Variants in ZNF268 observed in about 807,000 individuals in gnomAD.
ZNF268 encodes the protein zinc finger protein 268.
In ZNF268, 20 loss-of-function variants were observed where a neutral mutation model predicts 29.3. The observed-to-expected ratio is 0.68, with a 90% CI of 0.48 to 0.99. The LOEUF (loss-of-function observed/expected upper bound fraction) is 0.99. Among genes scored for constraint, ZNF268 ranks in the 50% least tolerant of loss-of-function variants. ZNF268 has a pLI of 0.00. For missense variants in ZNF268, 1,240 were observed against 1,121.6 expected (o/e 1.11, Z -1.51); for synonymous variants, 429 against 376.9 (o/e 1.14, Z -1.60).
chr12:133,188,769 A>C (rs1431736843), intron 3 of ZNF268, among the ~76,000 whole-genome samples: 1 of 152,202 alleles, frequency 6.6e-6, no homozygotes, highest in Non-Finnish European at 1.5e-5. Flanking sequence ...ATGCACATTA[A>C]AGTTTAAAAC....
intron 3 of ZNF268, among the ~76,000 whole-genome samples, chr12:133,190,022 AT>A (rs1956427356): frequency 6.6e-6 from 1 of 151,976 alleles, no homozygotes; most frequent in South Asian, 2.1e-4. Flanking sequence ...GTTAGCCAGG[AT>A]GGTCTCGTTC....
rs947793976 is a variant in ZNF268, at chr12:133,210,279, T to C, written c.*5749T>C. On this transcript the variant is annotated 3_prime_UTR_variant, in exon 6 of 6. Transcript: ENST00000536435. ...GATATGGAAGCTCTGGATCTCACTG[T>C]GATGTATCCCCCTAGGGGGTCCCCA... The C allele has an allele frequency of 6.4e-6, 1 of 155,952 alleles. No homozygotes were observed. The highest frequency in any genetic ancestry group is 2.4e-5 in the African/African-American group (1 of 41,508). The allele number at this position is 155,952 out of a possible 1,614,324, so 9.7% of individuals were successfully genotyped here. A position where few individuals can be genotyped will look rare whatever the true frequency, so the allele number is the denominator to read the frequency against.
Position 133,197,013 on chromosome 12 carries a change from T to C in ZNF268, c.457+5010T>C, listed in dbSNP as rs1956619227. On this transcript the variant is annotated intron_variant, in intron 5 of 5. Coordinates refer to ENST00000536435, the MANE Select transcript of ZNF268 (RefSeq NM_003415.3). ...TAAATTTTATTTTCCAGATTTTCTA[T>C]TCTCTAGATCCTTTCTTTTTTTTTT... 6.8e-5 allele frequency among the ~76,000 whole-genome samples: 10 copies of C among 147,836 alleles called. No individual in the cohort carries two copies. The South Asian group carries it at 8.6e-4, about 13-fold the overall frequency.
chr12:133,201,597 C>T (rs994061785), intron 5 of ZNF268, among the ~76,000 whole-genome samples: 8 of 151,974 alleles, frequency 5.3e-5, no homozygotes, highest in Admixed American at 5.3e-4. Context: ...TTAAGAACTG[C>T]TTCTTGTCCT....
intron 2 of ZNF268, among the ~76,000 whole-genome samples, chr12:133,183,898 G>A (rs74742668): frequency 0.016 from 2,489 of 152,278 alleles, 54 homozygotes; most frequent in African/African-American, 0.056. Context: ...CACACTTAAA[G>A]AAATGGAAAC....
At chr12:133,202,084 CT>C in intron 5 of ZNF268, 59 bp from the exon 6 acceptor site, 1 of 1,381,702 alleles carries the variant, frequency 7.2e-7, no homozygotes, top group Non-Finnish European at 9.7e-7. Flanking sequence ...TCATAGGCAA[CT>C]TTCTAGTATA....
Position 133,204,644 on chromosome 12 carries a change from AG to A in ZNF268, c.*115del, listed in dbSNP as rs1474999726. 2.1e-5 allele frequency: 17 copies of A among 799,122 alleles called. No individual in the cohort carries two copies. The highest frequency in any genetic ancestry group is 9.1e-5 in the East Asian group (3 of 32,798). 49.5% of individuals were successfully genotyped at this position (799,122 alleles called of 1,614,324 possible). A position where few individuals can be genotyped will look rare whatever the true frequency, so the allele number is the denominator to read the frequency against. On this transcript the variant is annotated 3_prime_UTR_variant, in exon 6 of 6. Coordinates refer to ENST00000536435, the MANE Select transcript of ZNF268 (RefSeq NM_003415.3). ...ATCTTCCAGAAAACTCATACTGAATAGAAACTTTATGAATGCACAGCATATG... is the reference window on the plus strand; with the variant it reads ...ATCTTCCAGAAAACTCATACTGAATAAAACTTTATGAATGCACAGCATATG...
In ZNF268 at chr12:133,205,154, A is replaced by AAC. The variant is rs1956870910; in HGVS notation, c.*625_*626insCA. 1.5e-5 allele frequency: 2 copies of AAC among 135,780 alleles called. No individual in the cohort carries two copies. Among genetic ancestry groups the AAC allele is most frequent in the Non-Finnish European group, 3.2e-5 (2 of 62,936 alleles). The allele number at this position is 135,780 out of a possible 1,614,324, so 8.4% of individuals were successfully genotyped here. A position where few individuals can be genotyped will look rare whatever the true frequency, so the allele number is the denominator to read the frequency against. ...TTAGAAGCTTCATTCTAAAAAAAAA[A>AAC]AAAAAAAAAAAAAAAAAAACCAACC... On this transcript the variant is annotated 3_prime_UTR_variant, in exon 6 of 6. Coordinates refer to ENST00000536435, the MANE Select transcript of ZNF268 (RefSeq NM_003415.3).
In ZNF268 at chr12:133,203,887, G is replaced by T. The variant is rs1030485332; in HGVS notation, c.2201G>T (p.Ser734Ile). Residue 734 changes from serine to isoleucine, a missense_variant, in exon 6 of 6, where the codon AGT (serine) becomes ATT (isoleucine). Transcript: ENST00000536435. Reference sequence around the variant, plus strand: ...TGCAGGGAATGCGGGAAATCCTTTAGTTTCAATTCACAACTCATTGTGCAT... The same window carrying T: ...TGCAGGGAATGCGGGAAATCCTTTATTTTCAATTCACAACTCATTGTGCAT... ...HECRECGKSFSFNSQLIVHQR... is the reference protein window; with the variant it reads ...HECRECGKSFIFNSQLIVHQR... 2 of 1,575,612 alleles carry T rather than the reference G, an allele frequency of 1.3e-6. No individual in the cohort carries two copies. The highest frequency in any genetic ancestry group is 1.4e-5 in the African/African-American group (1 of 73,792).
chr12:133,184,861 C>T (rs939663090), intron 2 of ZNF268: 4 of 315,766 alleles, frequency 1.3e-5, no homozygotes, highest in South Asian at 7.0e-5. Flanking sequence ...TCATTGAAAC[C>T]GTAGCAGTCA....
Position 133,191,493 on chromosome 12 carries a change from CT to C in ZNF268, c.242del (p.Leu81CysfsTer18), listed in dbSNP as rs1566369626. On this transcript the variant is annotated frameshift_variant, in exon 4 of 6. Coordinates refer to ENST00000536435, the MANE Select transcript of ZNF268 (RefSeq NM_003415.3). LOFTEE classifies it high-confidence loss of function. ...EQPKITKSWG[P>X]LSFMDVFVDF... The stretch of plus-strand genomic sequence containing the variant: ...GATGAGCATATTGTATTTCAGGGAC[CT>C]TTGTCATTCATGGATGTGTTTGTGG... 1.9e-6 allele frequency: 3 copies of C among 1,613,888 alleles called. No homozygotes were observed. The South Asian group carries it at 3.3e-5, about 18-fold the overall frequency.
chr12:133,197,322 A>G (rs1317429493), intron 5 of ZNF268, among the ~76,000 whole-genome samples: 1 of 150,566 alleles, frequency 6.6e-6, no homozygotes, highest in African/African-American at 2.4e-5. Context: ...TTTACTGAGA[A>G]TGATGATTTC....
At chr12:133,192,327 C>T (rs895510383) in intron 5 of ZNF268, among the ~76,000 whole-genome samples, 2 of 151,954 alleles carry the variant, frequency 1.3e-5, no homozygotes, top group African/African-American at 4.8e-5. Flanking sequence ...AGTCTAGTCT[C>T]GAACTCCTGA....
rs865888415 is a variant in ZNF268, at chr12:133,213,644, C to G, written c.*9114C>G. The G allele has an allele frequency of 2.0e-5, 3 of 148,304 alleles. No homozygotes were observed. The highest frequency in any genetic ancestry group is 7.5e-5 in the African/African-American group (3 of 40,088). 9.2% of individuals were successfully genotyped at this position (148,304 alleles called of 1,614,324 possible). Reference sequence around the variant, plus strand: ...CTGTGAGGTGGAGGTTGCAGTGAGCCGAGATCATGCTACTGCACTCCAGCC... The same window carrying G: ...CTGTGAGGTGGAGGTTGCAGTGAGCGGAGATCATGCTACTGCACTCCAGCC... On this transcript the variant is annotated 3_prime_UTR_variant, in exon 6 of 6. Transcript: ENST00000536435.
chr12:133,200,382 C>T (rs1425871242), intron 5 of ZNF268, among the ~76,000 whole-genome samples: 1 of 151,998 alleles, frequency 6.6e-6, no homozygotes, highest in Non-Finnish European at 1.5e-5. Context: ...ATTGCACTGT[C>T]GTCTTAGAGA....
At chr12:133,196,351 T>C (rs1044961030) in intron 5 of ZNF268, among the ~76,000 whole-genome samples, 18 of 151,490 alleles carry the variant, frequency 1.2e-4, no homozygotes, top group African/African-American at 2.4e-4. Flanking sequence ...GCCTGTCTTT[T>C]AGTTACTGGG....
intron 5 of ZNF268, among the ~76,000 whole-genome samples, chr12:133,196,875 G>C (rs950358843): frequency 2.0e-5 from 3 of 152,042 alleles, no homozygotes; most frequent in African/African-American, 7.2e-5. Flanking sequence ...GAATAAGAGG[G>C]ATCAGATTTA....
At chr12:133,198,391 T>G (rs1257178632) in intron 5 of ZNF268, among the ~76,000 whole-genome samples, 2 of 151,022 alleles carry the variant, frequency 1.3e-5, no homozygotes, top group East Asian at 3.9e-4. Flanking sequence ...TCCATTGATC[T>G]ATATCTCTGT....
At chr12:133,201,973 T>C (rs1956760683) in intron 5 of ZNF268, among the ~76,000 whole-genome samples, 171 bp from the exon 6 acceptor site, 1 of 152,080 alleles carries the variant, frequency 6.6e-6, no homozygotes, top group South Asian at 2.1e-4. Flanking sequence ...TATTCAGATC[T>C]GATATCTGAA....
Sources: gnomAD v4.1 joint callset for allele counts (sites outside exome capture counted in the v4.1 genomes callset) on GRCh38, gnomAD v4.1.1 for gene constraint, MANE v1.5 for transcripts, NCBI Gene and HGNC (gene_info 2026-07-23, HGNC 2026-07-21) for gene names.